EPB41: variants seen among roughly 807,000 people sequenced by gnomAD.
EPB41 encodes the protein protein 4.1.
In EPB41, 65 loss-of-function variants were observed where a neutral mutation model predicts 108.0. That is an observed-to-expected ratio of 0.60 (90% CI 0.49 to 0.74). The LOEUF is 0.74. Ranked by LOEUF, EPB41 falls within the 30% of genes least tolerant of loss-of-function variation. The pLI is 0.00. For synonymous variants in EPB41, 336 were observed against 358.9 expected (o/e 0.94, Z 0.72); for missense variants, 875 against 1,037.0 (o/e 0.84, Z 2.15).
chr1:29,091,646 T>C (rs1661225349), intron 16 of EPB41, among the ~76,000 whole-genome samples: 1 of 152,218 alleles, frequency 6.6e-6, no homozygotes, highest in Non-Finnish European at 1.5e-5. Context: ...ACCCTATAAG[T>C]CAAACCAAGT....
At chr1:29,082,404 G>C (rs141083063) in intron 16 of EPB41, among the ~76,000 whole-genome samples, 1 of 152,208 alleles carries the variant, frequency 6.6e-6, no homozygotes, top group Non-Finnish European at 1.5e-5. Context: ...GATTACAGGC[G>C]TGAGCCACTG....
chr1:29,097,159 T>C (rs1460902690), intron 16 of EPB41: 1 of 156,004 alleles, frequency 6.4e-6, no homozygotes, highest in East Asian at 1.9e-4. Flanking sequence ...TTCAGTGTGA[T>C]TTATACTCCT....
At chr1:29,017,727 GC>G (rs1212861689) in intron 6 of EPB41, among the ~76,000 whole-genome samples, 2 of 151,950 alleles carry the variant, frequency 1.3e-5, no homozygotes, top group Non-Finnish European at 2.9e-5. Flanking sequence ...AAAAGAAAGG[GC>G]CTGGTTTTGG....
intron 1 of EPB41, among the ~76,000 whole-genome samples, chr1:28,947,847 G>A (rs901298308): frequency 6.6e-6 from 1 of 152,076 alleles, no homozygotes; most frequent in Non-Finnish European, 1.5e-5. Context: ...TAGATATACC[G>A]CAGAATAGTT....
At chr1:28,888,903 A>C (rs1192486640) in intron 1 of EPB41, among the ~76,000 whole-genome samples, 1 of 152,246 alleles carries the variant, frequency 6.6e-6, no homozygotes, top group African/African-American at 2.4e-5. Context: ...CTGGGATTAC[A>C]GGCGTGAGCC....
chr1:28,977,952 TTC>T (rs978508173), intron 1 of EPB41, among the ~76,000 whole-genome samples: 4 of 145,810 alleles, frequency 2.7e-5, no homozygotes, highest in Non-Finnish European at 4.5e-5. Context: ...TCATTTTATA[TTC>T]TCTTTTTTTT....
intron 14 of EPB41, among the ~76,000 whole-genome samples, chr1:29,059,166 T>C (rs1470200039): frequency 6.6e-6 from 1 of 152,108 alleles, no homozygotes; most frequent in Non-Finnish European, 1.5e-5. Flanking sequence ...TCCCAGCTAC[T>C]TGGGAGGCTG....
rs1014019026 is a variant in EPB41, at chr1:29,035,101, C to T, written c.1366-725C>T. On this transcript the variant is annotated intron_variant, in intron 9 of 20. Coordinates refer to ENST00000343067, the MANE Select transcript of EPB41 (RefSeq NM_001376013.1). ...GGTTCAAGTGATTCTCCTACCTCAGCCTCCTGAGTAGCTGGAATTACAGGC... is the reference window on the plus strand; with the variant it reads ...GGTTCAAGTGATTCTCCTACCTCAGTCTCCTGAGTAGCTGGAATTACAGGC... Among the ~76,000 whole-genome samples, 8 of 151,272 alleles carry T rather than the reference C, an allele frequency of 5.3e-5. No individual in the cohort carries two copies. In the South Asian group the frequency reaches 1.5e-3, roughly 28 times the overall value.
intron 17 of EPB41, among the ~76,000 whole-genome samples, chr1:29,101,536 C>T (rs1464903021): frequency 1.3e-5 from 2 of 151,072 alleles, no homozygotes; most frequent in South Asian, 2.1e-4. Flanking sequence ...GGCGTGGTGG[C>T]GTGCACCTAT....
At chr1:29,027,987 G>A (rs1014750342) in intron 7 of EPB41, among the ~76,000 whole-genome samples, 16 of 151,866 alleles carry the variant, frequency 1.1e-4, no homozygotes, top group African/African-American at 3.9e-4. Context: ...ACCACGCCCA[G>A]CTAATTTTGT....
At chr1:28,978,966 G>C (rs908065167) in intron 1 of EPB41, among the ~76,000 whole-genome samples, 1 of 151,366 alleles carries the variant, frequency 6.6e-6, no homozygotes, top group African/African-American at 2.5e-5. Flanking sequence ...GGACTTCTCA[G>C]CCACCACAAT....
chr1:29,005,122 T>C (rs1251350176), intron 4 of EPB41, among the ~76,000 whole-genome samples: 1 of 152,188 alleles, frequency 6.6e-6, no homozygotes, highest in Non-Finnish European at 1.5e-5. Flanking sequence ...CTCATGGTTC[T>C]GCAGGCTGTA....
intron 11 of EPB41, among the ~76,000 whole-genome samples, chr1:29,039,958 C>T (rs968882269): frequency 6.6e-6 from 1 of 152,172 alleles, no homozygotes; most frequent in Non-Finnish European, 1.5e-5. Flanking sequence ...GTGGATCAAA[C>T]AGTACCAGAA....
At chr1:29,098,425 G>A (rs994642531) in intron 17 of EPB41, among the ~76,000 whole-genome samples, 1 of 152,202 alleles carries the variant, frequency 6.6e-6, no homozygotes, top group African/African-American at 2.4e-5. Context: ...TTGATCCGCT[G>A]ACCTCGTGAT....
intron 1 of EPB41, among the ~76,000 whole-genome samples, chr1:28,917,563 GCCACCGTGCC>G (rs2092774768): frequency 6.6e-6 from 1 of 151,932 alleles, no homozygotes; most frequent in South Asian, 2.1e-4. Flanking sequence ...ACAGGCATGA[GCCACCGTGCC>G]TGGCCCTGTA....
Position 29,118,582 on chromosome 1 carries a change from T to C in EPB41, c.*1770T>C, listed in dbSNP as rs1007679351. ...AGCAAGAGAAATGTCTAAAGCTGCT[T>C]CTCCCAACACCGTCCAAAGTCTCCA... On this transcript the variant is annotated 3_prime_UTR_variant, in exon 21 of 21. Transcript: ENST00000343067. 6.6e-6 allele frequency: 1 copy of C among 152,228 alleles called. No individual in the cohort carries two copies. Among genetic ancestry groups the C allele is most frequent in the Non-Finnish European group, 1.5e-5 (1 of 68,078 alleles). 9.4% of individuals were successfully genotyped at this position (152,228 alleles called of 1,614,324 possible). A position where few individuals can be genotyped will look rare whatever the true frequency, so the allele number is the denominator to read the frequency against.
intron 1 of EPB41, among the ~76,000 whole-genome samples, chr1:28,890,166 T>A (rs929149794): frequency 2.6e-5 from 4 of 152,008 alleles, no homozygotes; most frequent in African/African-American, 9.7e-5. Context: ...GCCTCCTGAG[T>A]AACTGGGATT....
In EPB41 at chr1:29,018,956, C is replaced by T. The variant is rs1251485912; in HGVS notation, c.1124+514C>T. On this transcript the variant is annotated intron_variant, in intron 7 of 20. Transcript: ENST00000343067. This position sits in a 1 kb window ranked among gnomAD's most constrained non-coding sequence, Gnocchi z 4.4. ...GTAATGCTGGGAGTTATCAAGTGAT[C>T]AAGAACAAGAGTTTACAGTCAGTCT... 1.3e-5 allele frequency among the ~76,000 whole-genome samples: 2 copies of T among 152,104 alleles called. No individual in the cohort carries two copies. The highest frequency in any genetic ancestry group is 4.8e-5 in the African/African-American group (2 of 41,410).
Position 28,993,403 on chromosome 1 carries a change from A to T in EPB41, c.542A>T (p.Lys181Ile). 1 of 1,613,964 alleles carries T rather than the reference A, an allele frequency of 6.2e-7. No homozygotes were observed. Among genetic ancestry groups the T allele is most frequent in the East Asian group, 2.2e-5 (1 of 44,864 alleles). The change falls in exon 3 of 21, where the codon AAA becomes ATA. Residue 181 changes from lysine to isoleucine, a missense_variant. By Grantham distance (102) the Lys-to-Ile change is moderately radical (BLOSUM62 -3). This residue lies in a region of EPB41 where 353 missense variants were observed against 393.2 expected (regional missense o/e 0.90). Coordinates refer to ENST00000343067, the MANE Select transcript of EPB41 (RefSeq NM_001376013.1). ...GGAGAAGGACTTGAAGAGTGCTCCAAAATAGAAGTAAAAGAAGAAAGCCCT... is the reference window on the plus strand; with the variant it reads ...GGAGAAGGACTTGAAGAGTGCTCCATAATAGAAGTAAAAGAAGAAAGCCCT... ...KEGEGLEECS[K>I]IEVKEESPQS...
Sources: allele counts gnomAD v4.1 joint callset (sites outside exome capture counted in the v4.1 genomes callset), GRCh38; gene constraint gnomAD v4.1.1; regional missense constraint gnomAD v4.1.1; non-coding constraint Gnocchi (gnomAD v3.1); transcripts MANE v1.5; gene names NCBI Gene and HGNC (gene_info 2026-07-23, HGNC 2026-07-21).